FRAS1: variants seen among roughly 807,000 people sequenced by gnomAD.
FRAS1 encodes the protein extracellular matrix organizing protein FRAS1.
A neutral mutation model predicts 435.2 loss-of-function variants in FRAS1; 290 were observed. That is an observed-to-expected ratio of 0.67 (90% CI 0.61 to 0.73). FRAS1 has a LOEUF of 0.73. FRAS1 is among the 30% of genes least tolerant of loss of function. The probability of loss-of-function intolerance (pLI) is 0.00; values close to 1 mark genes in which losing one functional copy is unlikely to be tolerated. For missense variants in FRAS1, 4,860 were observed against 5,001.5 expected (o/e 0.97, Z 0.85); for synonymous variants, 1,800 against 1,851.0 (o/e 0.97, Z 0.71).
chr4:78,061,520 G>A (rs1739760580), intron 1 of FRAS1, among the ~76,000 whole-genome samples: 1 of 152,118 alleles, frequency 6.6e-6, no homozygotes, highest in African/African-American at 2.4e-5. Flanking sequence ...CACAAACGCT[G>A]AATCCCGGGT....
intron 23 of FRAS1, among the ~76,000 whole-genome samples, chr4:78,371,939 AT>A (rs879580891): frequency 2.6e-5 from 4 of 152,166 alleles, no homozygotes; most frequent in Non-Finnish European, 5.9e-5. Context: ...CCTAATCCAT[AT>A]TTTTTAACAA....
chr4:78,173,876 T>C (rs1450090884), intron 2 of FRAS1, among the ~76,000 whole-genome samples: 2 of 152,232 alleles, frequency 1.3e-5, no homozygotes, highest in Non-Finnish European at 1.5e-5. Context: ...CTGGTTGAAG[T>C]AATAGAAAAC....
chr4:78,075,932 C>T (rs933332787), intron 2 of FRAS1, among the ~76,000 whole-genome samples: 3 of 152,124 alleles, frequency 2.0e-5, no homozygotes, highest in Admixed American at 2.0e-4. Flanking sequence ...GATTTTAAAA[C>T]TCCAGATCAC....
intron 2 of FRAS1, among the ~76,000 whole-genome samples, chr4:78,209,360 G>C (rs1723407681): frequency 6.6e-6 from 1 of 152,060 alleles, no homozygotes; most frequent in South Asian, 2.1e-4. Flanking sequence ...CTTCCTGTTG[G>C]GTGTAAGCAA....
At chr4:78,247,761 G>T (rs997851336) in intron 4 of FRAS1, among the ~76,000 whole-genome samples, 1 of 152,086 alleles carries the variant, frequency 6.6e-6, no homozygotes, top group African/African-American at 2.4e-5. Context: ...TCTCTCTTTG[G>T]CCTCTGGCTT....
chr4:78,088,733 C>T (rs1297564603), intron 2 of FRAS1, among the ~76,000 whole-genome samples: 1 of 152,038 alleles, frequency 6.6e-6, no homozygotes, highest in Non-Finnish European at 1.5e-5. Flanking sequence ...AATGAGATAC[C>T]ATCTCACACC....
chr4:78,511,236 G>A, intron 63 of FRAS1, 38 bp from the exon 64 acceptor site: 1 of 1,476,814 alleles, frequency 6.8e-7, no homozygotes, highest in Non-Finnish European at 9.2e-7. Flanking sequence ...TGTTTAAGTA[G>A]GGTACTCACA....
intron 6 of FRAS1, among the ~76,000 whole-genome samples, chr4:78,262,436 A>C (rs1726156208): frequency 6.6e-6 from 1 of 152,180 alleles, no homozygotes; most frequent in Admixed American, 6.5e-5. Context: ...CATTGGAGGG[A>C]GGAAGGCCAT....
intron 2 of FRAS1, among the ~76,000 whole-genome samples, chr4:78,093,807 A>G (rs1480586192): frequency 1.3e-5 from 2 of 152,206 alleles, no homozygotes; most frequent in Non-Finnish European, 2.9e-5. Context: ...TAAGTGTTCT[A>G]TTTAGAGAAA....
rs1223628254 is a variant in FRAS1, at chr4:78,481,953, G to A, written c.8593G>A (p.Val2865Ile). The change falls in exon 57 of 74, where the codon GTC becomes ATC. Residue 2865 changes from valine (V) to isoleucine (I), a missense_variant. Coordinates refer to ENST00000512123, the MANE Select transcript of FRAS1 (RefSeq NM_025074.7). ...TCGGAAGGTGGAATTTGGGCCTGGTGTCATTGAACAGGTGCGTTTACAGCA... is the reference window on the plus strand; with the variant it reads ...TCGGAAGGTGGAATTTGGGCCTGGTATCATTGAACAGGTGCGTTTACAGCA... ...SSRKVEFGPG[V>I]IEQYCTLTIL... 8.7e-6 allele frequency: 14 copies of A among 1,613,706 alleles called. No homozygotes were observed. The highest frequency in any genetic ancestry group is 1.2e-5 in the Non-Finnish European group (14 of 1,179,820).
chr4:78,227,212 T>C (rs566580538), intron 2 of FRAS1, among the ~76,000 whole-genome samples: 95 of 152,330 alleles, frequency 6.2e-4, no homozygotes, highest in Admixed American at 1.6e-3. Flanking sequence ...ATGTGTAAAA[T>C]AGAGTTAGGA....
chr4:78,383,916 TTATAG>T (rs1732118269), intron 27 of FRAS1, 138 bp from the exon 28 acceptor site: 1 of 568,470 alleles, frequency 1.8e-6, no homozygotes, highest in South Asian at 2.6e-5. Context: ...AGTTTTTTCT[TTATAG>T]TATGAGTGTG....
At chr4:78,425,100 GATA>G (rs35385181) in intron 35 of FRAS1, among the ~76,000 whole-genome samples, 61,379 of 141,620 alleles carry the variant, frequency 0.43, 13,376 homozygotes, top group African/African-American at 0.55. Flanking sequence ...CTTAAATGGG[GATA>G]ATAATAATAA....
intron 2 of FRAS1, among the ~76,000 whole-genome samples, chr4:78,075,742 A>G (rs1025614692): frequency 2.0e-5 from 3 of 152,218 alleles, no homozygotes; most frequent in Non-Finnish European, 2.9e-5. Context: ...GATGCTCGCA[A>G]TTGAGAATAC....
Position 78,519,423 on chromosome 4 carries a change from G to C in FRAS1, c.10482G>C (p.Leu3494Phe). ...YVTAPRGWAS[L>F]EHHTEMEFSF... ...CAGCCCCCAGGGGCTGGGCCTCCTT[G>C]GAGCACCACACCGAGATGGAGTTTT... The change falls in exon 67 of 74, where the codon TTG becomes TTC. Residue 3494 changes from leucine (L) to phenylalanine (F), a missense_variant. Physicochemically the swap from Leu to Phe is conservative, Grantham distance 22. Transcript: ENST00000512123. 6.2e-7 allele frequency: 1 copy of C among 1,611,204 alleles called. No homozygotes were observed. The highest frequency in any genetic ancestry group is 8.5e-7 in the Non-Finnish European group (1 of 1,178,884).
At chr4:78,200,564 T>C (rs927240823) in intron 2 of FRAS1, among the ~76,000 whole-genome samples, 13 of 152,148 alleles carry the variant, frequency 8.5e-5, no homozygotes, top group African/African-American at 3.1e-4. Flanking sequence ...CTCTGTGTTA[T>C]TTTGAAGCGG....
intron 29 of FRAS1, among the ~76,000 whole-genome samples, chr4:78,391,341 G>T (rs1265520516): frequency 1.3e-5 from 2 of 152,210 alleles, no homozygotes; most frequent in Non-Finnish European, 2.9e-5. Flanking sequence ...AACATGTTCT[G>T]TTGGGGGAAG....
intron 2 of FRAS1, among the ~76,000 whole-genome samples, chr4:78,182,308 G>A (rs1308183059): frequency 1.3e-5 from 2 of 152,166 alleles, no homozygotes; most frequent in Non-Finnish European, 2.9e-5. Context: ...AAATGTACAC[G>A]GGGAGCACCT....
chr4:78,115,121 T>C (rs1386093662), intron 2 of FRAS1, among the ~76,000 whole-genome samples: 1 of 151,722 alleles, frequency 6.6e-6, no homozygotes, highest in African/African-American at 2.4e-5. Context: ...GTTTATATGC[T>C]AGATTACGTT....
Sources: gnomAD v4.1 joint callset for allele counts (sites outside exome capture counted in the v4.1 genomes callset) on GRCh38, gnomAD v4.1.1 for gene constraint, MANE v1.5 for transcripts, NCBI Gene and HGNC (gene_info 2026-07-23, HGNC 2026-07-21) for gene names.